The following MBD5 variants were observed in gnomAD, a reference collection of about 807,000 sequenced individuals.
MBD5 encodes methyl-CpG-binding domain protein 5.
MBD5 carries 13 observed loss-of-function variants against 117.3 expected under a neutral mutation model. The ratio of observed to expected loss-of-function variants is 0.11; its 90% CI spans 0.07 to 0.18. MBD5 has a LOEUF of 0.18. Ranked by LOEUF, MBD5 falls within the 10% of genes least tolerant of loss-of-function variation. MBD5 has a pLI of 1.00. For missense variants in MBD5, 1,879 were observed against 2,093.8 expected, an observed-to-expected ratio of 0.90 and a Z score of 2.00; for synonymous variants, 727 against 766.4, an observed-to-expected ratio of 0.95 and a Z score of 0.85.
At chr2:148,358,029 G>C (rs1341330320) in intron 4 of MBD5, among the ~76,000 whole-genome samples, 1 of 151,960 alleles carries the variant, frequency 6.6e-6, no homozygotes, top group African/African-American at 2.4e-5. Flanking sequence ...GTTCTAATCT[G>C]TTTTCCTGCT....
At chr2:148,242,302 G>A (rs1700231933) in intron 3 of MBD5, among the ~76,000 whole-genome samples, 1 of 151,728 alleles carries the variant, frequency 6.6e-6, no homozygotes, top group Non-Finnish European at 1.5e-5. Flanking sequence ...CTAGATACCA[G>A]AAGTACAGTT....
intron 8 of MBD5, among the ~76,000 whole-genome samples, chr2:148,472,653 A>G (rs969383345): frequency 1.3e-5 from 2 of 152,138 alleles, no homozygotes; most frequent in Admixed American, 6.6e-5. Context: ...CATTCATCAA[A>G]TAACCGTTGA....
chr2:148,156,327 G>A (rs140141470), intron 1 of MBD5, among the ~76,000 whole-genome samples: 1 of 152,282 alleles, frequency 6.6e-6, no homozygotes, highest in East Asian at 1.9e-4. Flanking sequence ...CCACTTGTCT[G>A]TTTGTACACT....
chr2:148,220,455 A>G (rs914574883), intron 2 of MBD5, among the ~76,000 whole-genome samples: 3 of 152,192 alleles, frequency 2.0e-5, no homozygotes, highest in African/African-American at 7.2e-5. Context: ...AAATTAACAA[A>G]TTAATAAGTA....
chr2:148,382,687 C>T (rs10206168), intron 4 of MBD5, among the ~76,000 whole-genome samples: 77,989 of 151,870 alleles, frequency 0.51, 20,252 homozygotes, highest in East Asian at 0.75. Flanking sequence ...TATTCCAAAA[C>T]TGACCACATA....
chr2:148,261,555 G>A (rs1026832153), intron 3 of MBD5, among the ~76,000 whole-genome samples: 1 of 152,174 alleles, frequency 6.6e-6, no homozygotes, highest in Non-Finnish European at 1.5e-5. Context: ...GCCTTGCTCT[G>A]AATTAGACTT....
At chr2:148,432,550 A>G (rs1032251072) in intron 4 of MBD5, among the ~76,000 whole-genome samples, 1 of 152,048 alleles carries the variant, frequency 6.6e-6, no homozygotes, top group African/African-American at 2.4e-5. Context: ...TGTGTGTGGT[A>G]TAAGGTAGGG....
At chr2:148,302,796 A>ATT (rs58713890) in intron 3 of MBD5, among the ~76,000 whole-genome samples, 61 of 149,430 alleles carry the variant, frequency 4.1e-4, no homozygotes, top group Non-Finnish European at 7.6e-4. Context: ...TACCTGGCTA[A>ATT]TTTTTTTTTT....
chr2:148,149,052 T>C (rs1402881099), intron 1 of MBD5, among the ~76,000 whole-genome samples: 1 of 152,100 alleles, frequency 6.6e-6, no homozygotes, highest in Non-Finnish European at 1.5e-5. Context: ...AATCGTCATC[T>C]AGCATTAGGT....
At chr2:148,265,626 A>G (rs1355410934) in intron 3 of MBD5, among the ~76,000 whole-genome samples, 7 of 152,174 alleles carry the variant, frequency 4.6e-5, no homozygotes, top group Admixed American at 2.0e-4. Flanking sequence ...TCATCAAAAT[A>G]TAACACATTT....
At chr2:148,366,103 C>T (rs1050157323) in intron 4 of MBD5, among the ~76,000 whole-genome samples, 2 of 152,084 alleles carry the variant, frequency 1.3e-5, no homozygotes, top group Non-Finnish European at 2.9e-5. Flanking sequence ...CAGAATCCAG[C>T]AGTACATCAG....
rs894958571 is a variant in MBD5, at chr2:148,470,359, T to G, written c.2416T>G (p.Ser806Ala). Residue 806 changes from serine to alanine, a missense_variant, in exon 8 of 14, where the codon TCC becomes GCC. Coordinates refer to ENST00000642680, the MANE Select transcript of MBD5 (RefSeq NM_001378120.1). ...TCAGTCGGGCATGGCTTTAGGAAATTCCTTACATCCCAATCCACCTCAGTC... is the reference window on the plus strand; with the variant it reads ...TCAGTCGGGCATGGCTTTAGGAAATGCCTTACATCCCAATCCACCTCAGTC... Reference protein sequence around the residue: ...LSQSGMALGNSLHPNPPQSRI... With the variant: ...LSQSGMALGNALHPNPPQSRI... 2 of 1,613,808 alleles carry G rather than the reference T, an allele frequency of 1.2e-6. No individual in the cohort carries two copies. Among genetic ancestry groups the G allele is most frequent in the Non-Finnish European group, 8.5e-7 (1 of 1,179,840 alleles).
intron 4 of MBD5, among the ~76,000 whole-genome samples, chr2:148,443,132 G>C (rs541668082): frequency 6.6e-6 from 1 of 151,322 alleles, no homozygotes; most frequent in Non-Finnish European, 1.5e-5. Context: ...TGGCAAACAG[G>C]CATATGAAAA....
At chr2:148,446,591 A>G (rs1477209126) in intron 4 of MBD5, among the ~76,000 whole-genome samples, 1 of 40,756 alleles carries the variant, frequency 2.5e-5, no homozygotes, top group Non-Finnish European at 6.3e-5. Flanking sequence ...TTTACATACC[A>G]GATTATTTAT....
At chr2:148,028,560 A>G (rs1354859983) in intron 1 of MBD5, 2 of 152,042 alleles carry the variant, frequency 1.3e-5, no homozygotes, top group Non-Finnish European at 2.9e-5. Flanking sequence ...GCCATCAACT[A>G]ACTTAATCCA....
intron 1 of MBD5, among the ~76,000 whole-genome samples, chr2:148,127,731 C>G (rs1696937873): frequency 6.6e-6 from 1 of 152,158 alleles, no homozygotes; most frequent in East Asian, 1.9e-4. Context: ...GATTTAAATT[C>G]TTTTGGGTAT....
At chr2:148,115,271 A>T (rs1278330077) in intron 1 of MBD5, among the ~76,000 whole-genome samples, 1 of 152,172 alleles carries the variant, frequency 6.6e-6, no homozygotes, top group Non-Finnish European at 1.5e-5. Flanking sequence ...TTCACAAAAT[A>T]AATATTTCTG....
intron 3 of MBD5, among the ~76,000 whole-genome samples, chr2:148,286,377 TTTC>T (rs1358223359): frequency 6.6e-6 from 1 of 152,236 alleles, no homozygotes; most frequent in Non-Finnish European, 1.5e-5. Context: ...TATGATCATA[TTTC>T]TTCTGCATTT....
chr2:148,289,759 G>A (rs1701454080), intron 3 of MBD5, among the ~76,000 whole-genome samples: 1 of 152,082 alleles, frequency 6.6e-6, no homozygotes. Context: ...TTGCTTAAAT[G>A]TGGACTTTCT....
Sources: allele counts gnomAD v4.1 joint callset (sites outside exome capture counted in the v4.1 genomes callset), GRCh38; gene constraint gnomAD v4.1.1; transcripts MANE v1.5; gene names NCBI Gene and HGNC (gene_info 2026-07-23, HGNC 2026-07-21).